Variants in CMC1 observed in about 807,000 individuals in gnomAD.
CMC1 encodes the protein COX assembly mitochondrial protein homolog.
CMC1 carries 14 observed loss-of-function variants against 14.1 expected under a neutral mutation model. That is an observed-to-expected ratio of 0.99 (90% CI 0.66 to 1.55). The LOEUF (loss-of-function observed/expected upper bound fraction) is 1.55. Among genes scored for constraint, CMC1 ranks in the 40% most tolerant of loss-of-function variants. CMC1 has a pLI of 0.00. For synonymous variants in CMC1, 50 were observed against 38.4 expected, an observed-to-expected ratio of 1.30 and a Z score of -1.12; for missense variants, 127 against 123.8, an observed-to-expected ratio of 1.03 and a Z score of -0.12.
intron 2 of CMC1, among the ~76,000 whole-genome samples, chr3:28,284,671 T>C (rs1701079472): frequency 6.6e-6 from 1 of 152,196 alleles, no homozygotes. Flanking sequence ...CATAATTTAT[T>C]ATCTAAAGCA....
chr3:28,274,212 G>GTTTTTTTTTTTTTTTTTTTTTTTTT (rs376321066), intron 2 of CMC1, among the ~76,000 whole-genome samples: 8 of 88,198 alleles, frequency 9.1e-5, no homozygotes, highest in East Asian at 3.6e-4. Context: ...AAGTGTTTTT[G>GTTTTTTTTTTTTTTTTTTTTTTTTT]TTTTTTTCTT....
intron 1 of CMC1, among the ~76,000 whole-genome samples, chr3:28,259,320 T>G (rs537763391): frequency 3.3e-5 from 5 of 152,212 alleles, no homozygotes; most frequent in African/African-American, 9.6e-5. Flanking sequence ...GACAGAAATA[T>G]TACTCTCTTA....
intron 1 of CMC1, among the ~76,000 whole-genome samples, chr3:28,251,030 C>T (rs771700734): frequency 5.3e-5 from 8 of 152,148 alleles, no homozygotes; most frequent in South Asian, 4.1e-4. Flanking sequence ...AGGTGATAGA[C>T]GATCATCCTG....
intron 2 of CMC1, among the ~76,000 whole-genome samples, chr3:28,281,936 A>C (rs990693732): frequency 6.6e-6 from 1 of 152,256 alleles, no homozygotes; most frequent in Non-Finnish European, 1.5e-5. Context: ...CCAGTGGTGC[A>C]TTAGGGGATT....
chr3:28,293,728 T>C (rs7635383), intron 2 of CMC1, among the ~76,000 whole-genome samples: 34,908 of 151,908 alleles, frequency 0.23, 4,467 homozygotes, highest in Middle Eastern at 0.3. Flanking sequence ...ATTACAGATA[T>C]CCACCACCAT....
At chr3:28,241,979 C>T in intron 1 of CMC1, 167 bp downstream of exon 1, 1 of 554,612 alleles carries the variant, frequency 1.8e-6, no homozygotes. Context: ...CTGAGGTCAT[C>T]TTCTCACTTG....
At chr3:28,312,682 ATAGT>A (rs1247627182) in intron 2 of CMC1, among the ~76,000 whole-genome samples, 2 of 152,176 alleles carry the variant, frequency 1.3e-5, no homozygotes, top group African/African-American at 4.8e-5. Context: ...TTTTCATATC[ATAGT>A]TAAACTGTAC....
chr3:28,258,513 C>T (rs1229554974), intron 1 of CMC1, among the ~76,000 whole-genome samples: 16 of 148,426 alleles, frequency 1.1e-4, no homozygotes, highest in African/African-American at 3.2e-4. Context: ...CATGTTAATA[C>T]GGTTCTGCCA....
intron 2 of CMC1, among the ~76,000 whole-genome samples, chr3:28,273,353 C>T (rs55954817): frequency 0.12 from 18,087 of 152,102 alleles, 1,709 homozygotes; most frequent in East Asian, 0.48. Flanking sequence ...TTATTTACCC[C>T]GGAGCCATTC....
intron 2 of CMC1, chr3:28,298,408 G>A (rs2125567638): frequency 6.7e-6 from 1 of 148,922 alleles, no homozygotes; most frequent in African/African-American, 2.4e-5. Flanking sequence ...GTGAGGTTTA[G>A]AAATAGTAAA....
chr3:28,281,913 T>G (rs1179991006), intron 2 of CMC1, among the ~76,000 whole-genome samples: 2 of 152,120 alleles, frequency 1.3e-5, no homozygotes, highest in Non-Finnish European at 2.9e-5. Context: ...GCAAAGAGAT[T>G]GACCTTAGGA....
At chr3:28,245,397 GAT>G (rs1698772771) in intron 1 of CMC1, among the ~76,000 whole-genome samples, 1 of 152,112 alleles carries the variant, frequency 6.6e-6, no homozygotes, top group African/African-American at 2.4e-5. Context: ...ACCTGCACCT[GAT>G]AAATTTGATT....
Position 28,323,471 on chromosome 3 carries a change from T to C in CMC1, c.*3842T>C, listed in dbSNP as rs1430665822. 1 of 151,202 alleles carries C rather than the reference T, an allele frequency of 6.6e-6. No homozygotes were observed. The highest frequency in any genetic ancestry group is 1.5e-5 in the Non-Finnish European group (1 of 67,192). The allele number at this position is 151,202 out of a possible 1,614,324, so 9.4% of individuals were successfully genotyped here. On this transcript the variant is annotated 3_prime_UTR_variant, in exon 4 of 4. Coordinates refer to ENST00000466830, the MANE Select transcript of CMC1 (RefSeq NM_182523.2). ...AAACTTCAATTCTAAAAAAATTTTA[T>C]CAACAAAACACTGTGACCAAAAAAT... is the stretch of plus-strand genomic sequence containing the variant.
chr3:28,243,138 C>T (rs7633786), intron 1 of CMC1, among the ~76,000 whole-genome samples: 57,333 of 151,822 alleles, frequency 0.38, 11,412 homozygotes, highest in East Asian at 0.55. Context: ...TCACTGTAGC[C>T]TCCGCCTACT....
At chr3:28,274,206 G>GTTTATTTTTTTTTTTTTTT (rs1700440843) in intron 2 of CMC1, among the ~76,000 whole-genome samples, 1 of 83,080 alleles carries the variant, frequency 1.2e-5, no homozygotes. Flanking sequence ...GTACTAAAGT[G>GTTTATTTTTTTTTTTTTTT]TTTTTGTTTT....
intron 1 of CMC1, among the ~76,000 whole-genome samples, chr3:28,262,901 G>A (rs929625823): frequency 6.6e-6 from 1 of 152,084 alleles, no homozygotes; most frequent in Admixed American, 6.6e-5. Flanking sequence ...AACTACTTGT[G>A]TGTCTCTTAA....
intron 1 of CMC1, among the ~76,000 whole-genome samples, chr3:28,250,033 T>A (rs1699052702): frequency 6.6e-6 from 1 of 152,112 alleles, no homozygotes; most frequent in Admixed American, 6.5e-5. Flanking sequence ...ACTAATCCTA[T>A]CGAATTAAGG....
At position 28,300,619 on chromosome 3, in the gene CMC1, CTCCCTCCCTCCATCCCTT is replaced by C. The variant is rs1337975412; in HGVS notation, c.110-15686_110-15669del. ...TCTTCCTTCCTTCCTTCCTCCCTCC[CTCCCTCCCTCCATCCCTT>C]TCCCTCCCTCCATCCCTTTCCCTCC... On this transcript the variant is annotated intron_variant, in intron 2 of 3. Coordinates refer to ENST00000466830, the MANE Select transcript of CMC1 (RefSeq NM_182523.2). Among the ~76,000 whole-genome samples, 182 of 121,110 alleles carry C rather than the reference CTCCCTCCCTCCATCCCTT, an allele frequency of 1.5e-3. 2 individuals carry two copies. The highest frequency in any genetic ancestry group is 5.1e-3 in the African/African-American group (151 of 29,762). The allele number at this position is 121,110 out of a possible 152,430, so 79.5% of individuals were successfully genotyped here.
At chr3:28,306,510 T>C (rs1264549489) in intron 2 of CMC1, among the ~76,000 whole-genome samples, 1 of 152,132 alleles carries the variant, frequency 6.6e-6, no homozygotes, top group East Asian at 1.9e-4. Context: ...AAATGATGAT[T>C]TTTGCATGTT....
Sources: allele counts gnomAD v4.1 joint callset (sites outside exome capture counted in the v4.1 genomes callset), GRCh38; gene constraint gnomAD v4.1.1; transcripts MANE v1.5; gene names NCBI Gene and HGNC (gene_info 2026-07-23, HGNC 2026-07-21).